JARID2: variants seen among roughly 807,000 people sequenced by gnomAD.
The protein encoded by JARID2 is protein Jumonji.
A neutral mutation model predicts 125.6 loss-of-function variants in JARID2; 21 were observed. The ratio of observed to expected loss-of-function variants is 0.17; its 90% CI spans 0.12 to 0.24. JARID2 has a LOEUF of 0.24. Ranked by LOEUF, JARID2 falls within the 10% of genes least tolerant of loss-of-function variation. JARID2 has a pLI of 1.00. For missense variants in JARID2, 1,303 were observed against 1,639.6 expected, an observed-to-expected ratio of 0.79 and a Z score of 3.55; for synonymous variants, 736 against 661.6, an observed-to-expected ratio of 1.11 and a Z score of -1.73.
At chr6:15,307,800 A>G (rs556943524) in intron 1 of JARID2, among the ~76,000 whole-genome samples, 37 of 152,314 alleles carry the variant, frequency 2.4e-4, no homozygotes, top group African/African-American at 8.2e-4. Context: ...AAATATGTTC[A>G]TTGCCCAAAT....
intron 2 of JARID2, among the ~76,000 whole-genome samples, chr6:15,386,238 C>T (rs1373768423): frequency 1.3e-5 from 2 of 151,314 alleles, no homozygotes; most frequent in Non-Finnish European, 2.9e-5. Context: ...TCCCTCTCCC[C>T]CACCCCTCTC....
chr6:15,503,469 C>T (rs945593809), intron 8 of JARID2, among the ~76,000 whole-genome samples: 1 of 152,192 alleles, frequency 6.6e-6, no homozygotes, highest in Admixed American at 6.5e-5. Flanking sequence ...CCTGTTGTGG[C>T]CCTATCACTT....
chr6:15,322,316 C>T (rs1033607439), intron 1 of JARID2, among the ~76,000 whole-genome samples: 1 of 152,152 alleles, frequency 6.6e-6, no homozygotes. Flanking sequence ...GGGCACTTGC[C>T]AGGCATGGTG....
At chr6:15,369,380 T>A in intron 1 of JARID2, 1 of 403,572 alleles carries the variant, frequency 2.5e-6, no homozygotes, top group South Asian at 1.8e-5. Flanking sequence ...AGAAATTCTA[T>A]TATTTTCAAA....
At chr6:15,489,008 C>T (rs1261693978) in intron 6 of JARID2, among the ~76,000 whole-genome samples, 1 of 152,184 alleles carries the variant, frequency 6.6e-6, no homozygotes, top group African/African-American at 2.4e-5. Flanking sequence ...TCTTCACTCC[C>T]CCGCTGTTCC....
intron 3 of JARID2, among the ~76,000 whole-genome samples, chr6:15,418,516 A>G (rs1164426751): frequency 6.6e-6 from 1 of 152,178 alleles, no homozygotes; most frequent in East Asian, 1.9e-4. Context: ...TGCCCGGTCA[A>G]CTATATTCTT....
chr6:15,281,471 T>A (rs1003970949), intron 1 of JARID2, among the ~76,000 whole-genome samples: 2 of 152,234 alleles, frequency 1.3e-5, no homozygotes, highest in African/African-American at 4.8e-5. Flanking sequence ...TTGTACTGCC[T>A]TCCTCAAAAG....
At chr6:15,451,286 G>A (rs1561871216) in intron 3 of JARID2, among the ~76,000 whole-genome samples, 1 of 152,260 alleles carries the variant, frequency 6.6e-6, no homozygotes, top group Non-Finnish European at 1.5e-5. Context: ...TAGGGAGTTA[G>A]CATAGGATTG....
chr6:15,362,694 G>C (rs1763840563), intron 1 of JARID2, among the ~76,000 whole-genome samples: 1 of 152,182 alleles, frequency 6.6e-6, no homozygotes, highest in Non-Finnish European at 1.5e-5. Context: ...TTCAGTAGGG[G>C]AAGTGGTGAC....
intron 3 of JARID2, among the ~76,000 whole-genome samples, chr6:15,447,550 A>G (rs1267318948): frequency 6.6e-6 from 1 of 152,136 alleles, no homozygotes; most frequent in Non-Finnish European, 1.5e-5. Context: ...TCAAACATTT[A>G]TGTTTTTACC....
At chr6:15,431,038 T>A (rs147976388) in intron 3 of JARID2, among the ~76,000 whole-genome samples, 3 of 152,342 alleles carry the variant, frequency 2.0e-5, no homozygotes, top group Non-Finnish European at 4.4e-5. Flanking sequence ...TGCTTGTTGT[T>A]CCGGCAAATA....
chr6:15,325,911 G>C (rs1183506690), intron 1 of JARID2, among the ~76,000 whole-genome samples: 1 of 152,184 alleles, frequency 6.6e-6, no homozygotes, highest in Non-Finnish European at 1.5e-5. Context: ...GACTTTTGCA[G>C]AAGTGGAAAG....
At chr6:15,355,396 A>G (rs183614467) in intron 1 of JARID2, among the ~76,000 whole-genome samples, 1 of 152,330 alleles carries the variant, frequency 6.6e-6, no homozygotes, top group East Asian at 1.9e-4. Context: ...TCTAATGTTA[A>G]TACATTCTAG....
intron 1 of JARID2, among the ~76,000 whole-genome samples, chr6:15,253,189 G>A (rs972349431): frequency 6.6e-6 from 1 of 151,786 alleles, no homozygotes; most frequent in Non-Finnish European, 1.5e-5. Flanking sequence ...TCAGCCTCCC[G>A]AGTAGCTGGG....
chr6:15,317,883 A>C (rs573461521), intron 1 of JARID2, among the ~76,000 whole-genome samples: 1 of 152,134 alleles, frequency 6.6e-6, no homozygotes, highest in Non-Finnish European at 1.5e-5. Context: ...AAACTGGTGT[A>C]TTTAGGCGTC....
At position 15,520,706 on chromosome 6, in the gene JARID2, C is replaced by T. The variant is rs183041436; in HGVS notation, c.*455C>T. Reference sequence around the variant, plus strand: ...ACACACGCGCACACACACACACACACGAAACTTGAAATGGCTTTGCTTTGG... The same window carrying T: ...ACACACGCGCACACACACACACACATGAAACTTGAAATGGCTTTGCTTTGG... On this transcript the variant is annotated 3_prime_UTR_variant, in exon 18 of 18. Coordinates refer to ENST00000341776, the MANE Select transcript of JARID2 (RefSeq NM_004973.4). 1.9e-4 allele frequency: 84 copies of T among 453,702 alleles called. No individual in the cohort carries two copies. The highest frequency in any genetic ancestry group is 3.0e-4 in the Non-Finnish European group (67 of 225,192). The allele number at this position is 453,702 out of a possible 1,614,324, so 28.1% of individuals were successfully genotyped here.
In JARID2 at chr6:15,497,016, C is replaced by G; in HGVS notation, c.1791C>G (p.Pro597=). The G allele has an allele frequency of 1.2e-6, 2 of 1,613,720 alleles. No individual in the cohort carries two copies. The highest frequency in any genetic ancestry group is 8.5e-7 in the Non-Finnish European group (1 of 1,179,886). ...TGATCCCCCCTCCGGACTGGCGGCCCGAGTGCAAGCTCAACGATGAGATGC... is the reference window on the plus strand; with the variant it reads ...TGATCCCCCCTCCGGACTGGCGGCCGGAGTGCAAGCTCAACGATGAGATGC... The part of the protein sequence containing the change: ...CRVIPPPDWR[P]ECKLNDEMRF... Residue 597 remains proline (P), a synonymous_variant, in exon 7 of 18, where the codon CCC becomes CCG. Coordinates refer to ENST00000341776, the MANE Select transcript of JARID2 (RefSeq NM_004973.4).
intron 1 of JARID2, among the ~76,000 whole-genome samples, chr6:15,271,167 G>A: frequency 6.6e-6 from 1 of 152,182 alleles, no homozygotes; most frequent in Non-Finnish European, 1.5e-5. Context: ...TCCGATTGGA[G>A]ATTGTTTTCT....
intron 7 of JARID2, among the ~76,000 whole-genome samples, chr6:15,497,399 C>T (rs1382489918): frequency 2.0e-5 from 3 of 152,120 alleles, no homozygotes; most frequent in Admixed American, 6.5e-5. Flanking sequence ...CGGTGGCTCA[C>T]GCTTGTAATC....
Sources: allele counts gnomAD v4.1 joint callset (sites outside exome capture counted in the v4.1 genomes callset), GRCh38; gene constraint gnomAD v4.1.1; transcripts MANE v1.5; gene names NCBI Gene and HGNC (gene_info 2026-07-23, HGNC 2026-07-21).